The following SLC49A3 variants were observed in gnomAD, a reference collection of about 807,000 sequenced individuals.
SLC49A3 encodes the protein solute carrier family 49 member 3.
A neutral mutation model predicts 43.8 loss-of-function variants in SLC49A3; 50 were observed. The observed-to-expected ratio is 1.14, with a 90% CI of 0.91 to 1.45. The LOEUF is 1.45. Among genes scored for constraint, SLC49A3 ranks in the 40% most tolerant of loss-of-function variants. The pLI is 0.00. For synonymous variants in SLC49A3, 413 were observed against 352.0 expected, an observed-to-expected ratio of 1.17 and a Z score of -1.94; for missense variants, 906 against 774.1, an observed-to-expected ratio of 1.17 and a Z score of -2.02.
Position 683,211 on chromosome 4 carries a change from C to A in SLC49A3, c.1150G>T (p.Gly384Trp). ...CAGCAGGGGCAGATGGACACTCACC[C>A]CAGCACAAAGATCATGCCTGTGGCA... ...GAATGMIFVL[G>W]QAEGILIMLA... is the part of the protein sequence containing the mutation. Residue 384 changes from glycine (G) to tryptophan (W), a missense_variant and splice_region_variant, in exon 8 of 10, where the codon GGG (glycine) becomes TGG (tryptophan). By Grantham distance (184) the Gly-to-Trp change is radical (BLOSUM62 -2). Coordinates refer to ENST00000322224, the MANE Select transcript of SLC49A3 (RefSeq NM_032219.4). 6.2e-7 allele frequency: 1 copy of A among 1,612,776 alleles called. No individual in the cohort carries two copies. The highest frequency in any genetic ancestry group is 8.5e-7 in the Non-Finnish European group (1 of 1,179,928).
At position 686,306 on chromosome 4, in the gene SLC49A3, CGAG is replaced by C; in HGVS notation, c.295-7_295-5del. ...TCAGCCACGCACCCAGGATGGTCTG[CGAG>C]GAGGGGGTCGGGGACCGGGTCAGGA... On this transcript the variant is annotated splice_region_variant and splice_polypyrimidine_tract_variant and intron_variant, in intron 2 of 9. Transcript: ENST00000322224. 1 of 1,612,776 alleles carries C rather than the reference CGAG, an allele frequency of 6.2e-7. No homozygotes were observed. Among genetic ancestry groups the C allele is most frequent in the Non-Finnish European group, 8.5e-7 (1 of 1,179,834 alleles).
Position 686,514 on chromosome 4 carries a change from G to A in SLC49A3, c.294+18C>T. 2 of 1,610,226 alleles carry A rather than the reference G, an allele frequency of 1.2e-6. No individual in the cohort carries two copies. The highest frequency in any genetic ancestry group is 2.2e-5 in the East Asian group (1 of 44,874). On this transcript the variant is annotated intron_variant, in intron 2 of 9. Transcript: ENST00000322224. ...CTGCACTGTCCCGGAGCGGGCCATG[G>A]TGTGGGGTCTGACTCACCGCCGCAC...
In SLC49A3 at chr4:682,771, T is replaced by C; in HGVS notation, c.1261+10A>G. 6.4e-7 allele frequency: 1 copy of C among 1,557,418 alleles called. No individual in the cohort carries two copies. The highest frequency in any genetic ancestry group is 1.3e-5 in the African/African-American group (1 of 74,124). ...TCCTGTTCCCTGGGGACTCCCCATG[T>C]GAGGCTCACCTGTCCAGTCAAGTGG... On this transcript the variant is annotated intron_variant, in intron 9 of 9. Coordinates refer to ENST00000322224, the MANE Select transcript of SLC49A3 (RefSeq NM_032219.4).
downstream of SLC49A3, chr4:679,270 A>AGCCCTGAAGCTGCAAG (rs1440590285): frequency 1.6e-6 from 1 of 632,316 alleles, no homozygotes; most frequent in Non-Finnish European, 2.8e-6. Flanking sequence ...GGAAACTCAG[A>AGCCCTGAAGCTGCAAG]GTGGGCTTTG....
chr4:680,958 G>A (rs1739415722), downstream of SLC49A3: 4 of 1,026,618 alleles, frequency 3.9e-6, no homozygotes, highest in South Asian at 2.8e-5. Flanking sequence ...ACCTGCCCCA[G>A]GGCCACACTC....
downstream of SLC49A3, chr4:681,826 CG>C: frequency 7.9e-7 from 1 of 1,273,402 alleles, no homozygotes; most frequent in Non-Finnish European, 1.0e-6. Flanking sequence ...CACCCGGGGC[CG>C]CTGCAGGTGC....
In SLC49A3 at chr4:683,693, G is replaced by C; in HGVS notation, c.909C>G (p.Pro303=). The change falls in exon 7 of 10, where the codon CCC becomes CCG. Residue 303 remains proline (P), a synonymous_variant. Transcript: ENST00000322224. The part of the protein sequence containing the change: ...FGILGALALG[P]YVDRTKHFTE... ...TGAAGTGCTTGGTCCGGTCCACATA[G>C]GGGCCGAGAGCCAGTGCCCCCAGGA... The C allele has an allele frequency of 6.2e-7, 1 of 1,604,150 alleles. No individual in the cohort carries two copies. Among genetic ancestry groups the C allele is most frequent in the Non-Finnish European group, 8.5e-7 (1 of 1,175,784 alleles).
downstream of SLC49A3, among the ~76,000 whole-genome samples, chr4:677,443 A>G (rs1198129209): frequency 6.6e-6 from 1 of 152,180 alleles, no homozygotes; most frequent in East Asian, 1.9e-4. Context: ...CCTCCAACCC[A>G]GAAATGTCAT....
At chr4:678,755 A>G (rs779759060), downstream of SLC49A3, 18 of 1,610,468 alleles carry the variant, frequency 1.1e-5, no homozygotes, top group Middle Eastern at 1.6e-4. Flanking sequence ...CAGATCCAGG[A>G]GTTCAAGGAG....
In SLC49A3 at chr4:686,698, G is replaced by A. The variant is rs1560176705; in HGVS notation, c.136-8C>T. On this transcript the variant is annotated splice_polypyrimidine_tract_variant and splice_region_variant and intron_variant, in intron 1 of 9. Coordinates refer to ENST00000322224, the MANE Select transcript of SLC49A3 (RefSeq NM_032219.4). ...TGCAAAGCTGAGCCACAGCTGCAGG[G>A]GTCAGGCGGGAGTCAGCGCAGGGCC... The A allele has an allele frequency of 1.9e-6, 3 of 1,611,372 alleles. No homozygotes were observed. Among genetic ancestry groups the A allele is most frequent in the African/African-American group, 1.3e-5 (1 of 75,052 alleles).
In SLC49A3 at chr4:683,384, G is replaced by A. The variant is rs757119601; in HGVS notation, c.994-17C>T. 23 of 1,603,348 alleles carry A rather than the reference G, an allele frequency of 1.4e-5. No homozygotes were observed. In the East Asian group the frequency reaches 1.6e-4, roughly 11 times the overall value. On this transcript the variant is annotated splice_polypyrimidine_tract_variant and intron_variant, in intron 7 of 9. Coordinates refer to ENST00000322224, the MANE Select transcript of SLC49A3 (RefSeq NM_032219.4). ...CTGGGACACCTGGGAGCAGCGGAAC[G>A]GCAGGCAGACAGGTGGAGGGGGTGG... is the stretch of plus-strand genomic sequence containing the variant.
downstream of SLC49A3, among the ~76,000 whole-genome samples, chr4:677,624 C>T (rs937412564): frequency 6.6e-6 from 1 of 152,220 alleles, no homozygotes; most frequent in African/African-American, 2.4e-5. Context: ...CCCACAGCAG[C>T]GTTGTGCAAA....
intron 6 of SLC49A3, 102 bp downstream of exon 6, chr4:684,381 C>A: frequency 6.6e-7 from 1 of 1,509,704 alleles, no homozygotes; most frequent in South Asian, 1.3e-5. Flanking sequence ...AATGTGGCCC[C>A]CGCCAGGGTC....
At chr4:683,944 C>T (rs1393961246) in intron 6 of SLC49A3, among the ~76,000 whole-genome samples, 183 bp from the exon 7 acceptor site, 2 of 152,172 alleles carry the variant, frequency 1.3e-5, no homozygotes, top group East Asian at 1.9e-4. Context: ...TGTTTCCCAC[C>T]CCACCCCAGA....
At position 685,354 on chromosome 4, in the gene SLC49A3, GAC is replaced by G. The variant is rs781406849; in HGVS notation, c.585+479_585+480del. Among the ~76,000 whole-genome samples the G allele has an allele frequency of 2.6e-5, 4 of 151,982 alleles. No individual in the cohort carries two copies. The highest frequency in any genetic ancestry group is 7.3e-5 in the African/African-American group (3 of 41,376). On this transcript the variant is annotated intron_variant, in intron 4 of 9. Coordinates refer to ENST00000322224, the MANE Select transcript of SLC49A3 (RefSeq NM_032219.4). This position sits in a 1 kb window ranked among gnomAD's most constrained non-coding sequence, Gnocchi z 4.3. ...CAATACACATGGGCACAGGAACAGA[GAC>G]ACGCACCGCACACACCACACACACT... is the stretch of plus-strand genomic sequence containing the variant.
rs577350700 is a variant in SLC49A3 at position 685,247 on chromosome 4, G to C, written c.586-391C>G. Reference sequence around the variant, plus strand: ...ACCCCCAAGCACAAACACACCACCCGCACCTGATACACATGCACGAGCACA... The same window carrying C: ...ACCCCCAAGCACAAACACACCACCCCCACCTGATACACATGCACGAGCACA... On this transcript the variant is annotated intron_variant, in intron 4 of 9. Transcript: ENST00000322224. The surrounding 1 kb of genome is among the most constrained non-coding windows in gnomAD (Gnocchi z 4.3). The C allele has an allele frequency of 3.1e-6, 1 of 324,116 alleles. No homozygotes were observed. Among genetic ancestry groups the C allele is most frequent in the Non-Finnish European group, 5.8e-6 (1 of 172,304 alleles). The allele number at this position is 324,116 out of a possible 1,614,324, so 20.1% of individuals were successfully genotyped here. A position where few individuals can be genotyped will look rare whatever the true frequency, so the allele number is the denominator to read the frequency against.
rs112031243 is a variant in SLC49A3, at chr4:685,210, C to T, written c.586-354G>A. The T allele has an allele frequency of 5.8e-3, 2,159 of 373,166 alleles. 32 individuals are homozygous for T. Among genetic ancestry groups the T allele is most frequent in the East Asian group, 0.044 (721 of 16,224 alleles). 23.1% of individuals were successfully genotyped at this position (373,166 alleles called of 1,614,324 possible). A position where few individuals can be genotyped will look rare whatever the true frequency, so the allele number is the denominator to read the frequency against. On this transcript the variant is annotated intron_variant, in intron 4 of 9. Transcript: ENST00000322224. The surrounding 1 kb of genome is among the most constrained non-coding windows in gnomAD (Gnocchi z 4.3). ...AGAGGCACACGTGCATACAGACTCA[C>T]GCTCAGTACATACCCCCAAGCACAA...
downstream of SLC49A3, among the ~76,000 whole-genome samples, chr4:680,293 G>A (rs1017477481): frequency 2.0e-5 from 3 of 152,110 alleles, no homozygotes; most frequent in Non-Finnish European, 2.9e-5. Context: ...CTGACCCTGG[G>A]CACCCCAAAA....
chr4:686,775 G>A (rs781759087), intron 1 of SLC49A3, 85 bp from the exon 2 acceptor site: 2 of 1,516,882 alleles, frequency 1.3e-6, no homozygotes, highest in Admixed American at 1.9e-5. Context: ...GGGGGTCAGA[G>A]TGCCAGCAGC....
Sources: allele counts gnomAD v4.1 joint callset (sites outside exome capture counted in the v4.1 genomes callset), GRCh38; gene constraint gnomAD v4.1.1; non-coding constraint Gnocchi (gnomAD v3.1); transcripts MANE v1.5; gene names NCBI Gene and HGNC (gene_info 2026-07-23, HGNC 2026-07-21).